Variants in SUV39H1 observed in about 807,000 individuals in gnomAD.
SUV39H1 encodes the protein histone-lysine N-methyltransferase SUV39H1.
For synonymous variants in SUV39H1, 141 were observed against 150.5 expected (o/e 0.94, Z 0.46); for missense variants, 180 against 386.3 (o/e 0.47, Z 4.48).
chrX:48,695,829 A>G, upstream of SUV39H1: 1 of 1,155,863 alleles, frequency 8.7e-7, no homozygotes, highest in Non-Finnish European at 1.1e-6. Context: ...AATGGTGGGG[A>G]TGAGTCGCCT....
rs1423309457 is a variant in SUV39H1 at position 48,700,154 on chromosome X, C to T, written c.229C>T (p.Arg77Trp). 2.5e-6 allele frequency: 3 copies of T among 1,198,180 alleles called. No individual in the cohort carries two copies. Among genetic ancestry groups the T allele is most frequent in the Non-Finnish European group, 3.4e-6 (3 of 889,306 alleles). Residue 77 changes from arginine to tryptophan, a missense_variant, in exon 3 of 6, where the codon CGG becomes TGG. Transcript: ENST00000376687. ...YPDSESTWEP[R>W]QNLKCVRILK... is the part of the protein sequence containing the mutation. ...AGACTCAGAGAGCACCTGGGAGCCACGGCAGAATCTCAAGTGTGTGCGTAT... is the reference window on the plus strand; with the variant it reads ...AGACTCAGAGAGCACCTGGGAGCCATGGCAGAATCTCAAGTGTGTGCGTAT...
rs908493710 is a variant in SUV39H1, at chrX:48,708,198, C to G, written c.*628C>G. 5.9e-5 allele frequency: 8 copies of G among 135,456 alleles called. No individual in the cohort carries two copies. The highest frequency in any genetic ancestry group is 2.6e-4 in the African/African-American group (8 of 31,323). 11.2% of individuals were successfully genotyped at this position (135,456 alleles called of 1,213,427 possible). On this transcript the variant is annotated 3_prime_UTR_variant, in exon 6 of 6. Transcript: ENST00000376687. ...GGGCTGCATATCTGAGAAGTGGATG[C>G]CCACATGCCACTGGAAGGGAAGTGG...
upstream of SUV39H1, chrX:48,695,977 GAA>G (rs2147270794): frequency 9.6e-7 from 1 of 1,036,533 alleles, no homozygotes; most frequent in Non-Finnish European, 1.3e-6. Context: ...TAATCTGAGG[GAA>G]AGACAGTGAC....
At chrX:48,696,147 G>A (rs189333931), upstream of SUV39H1, among the ~76,000 whole-genome samples, 1 of 112,869 alleles carries the variant, frequency 8.9e-6, no homozygotes, top group Non-Finnish European at 1.9e-5. Context: ...GGTGGGTGGA[G>A]AGGAGGACTG....
chrX:48,700,922 AGCTGGTACACACCAGCATGGCCAT>A, intron 3 of SUV39H1, 169 bp downstream of exon 3: 1 of 594,138 alleles, frequency 1.7e-6, no homozygotes, highest in Non-Finnish European at 2.8e-6. Context: ...TAGTATTCCA[AGCTGGTACACACCAGCATGGCCAT>A]GCTGGTGGTT....
Position 48,700,384 on chromosome X carries a change from G to A in SUV39H1, c.459G>A (p.Leu153=), listed in dbSNP as rs781981197. The A allele has an allele frequency of 1.6e-6, 2 of 1,212,268 alleles. No homozygotes were observed. The highest frequency in any genetic ancestry group is 4.3e-5 in the Admixed American group (2 of 46,142). Residue 153 remains leucine (L), a synonymous_variant, in exon 3 of 6, where the codon CTG becomes CTA. Transcript: ENST00000376687. ...GRITVENEVD[L]DGPPRAFVYI... ...TCACTGTAGAGAATGAGGTGGACCT[G>A]GACGGCCCTCCGCGGGCCTTCGTGT...
Position 48,700,537 on chromosome X carries a change from C to T in SUV39H1, c.612C>T (p.Ala204=). 1 of 1,212,345 alleles carries T rather than the reference C, an allele frequency of 8.2e-7. No individual in the cohort carries two copies. Among genetic ancestry groups the T allele is most frequent in the Non-Finnish European group, 1.1e-6 (1 of 895,602 alleles). ...CCPGASLHKF[A]YNDQGQVRLR... is the part of the protein sequence containing the mutation. ...CGGGGGCGTCACTGCACAAGTTTGC[C>T]TACAATGACCAGGGCCAGGTGCGGC... Residue 204 remains alanine, a synonymous_variant, in exon 3 of 6, where the codon GCC becomes GCT. Transcript: ENST00000376687.
rs2062465592 is a variant in SUV39H1 at position 48,699,048 on chromosome X, G to GT, written c.165+2dup. On this transcript the variant is annotated splice_donor_variant, in intron 2 of 5. Transcript: ENST00000376687. LOFTEE classifies it high-confidence loss of function. Reference sequence around the variant, plus strand: ...CCTGTGCGATTACAAGAAGATCCGCGTGAGTCTGGGGTGACCATGCTCTGG... The same window carrying GT: ...CCTGTGCGATTACAAGAAGATCCGCGTTGAGTCTGGGGTGACCATGCTCTGG... 1 of 1,205,216 alleles carries GT rather than the reference G, an allele frequency of 8.3e-7. No individual in the cohort carries two copies. Among genetic ancestry groups the GT allele is most frequent in the Non-Finnish European group, 1.1e-6 (1 of 892,614 alleles).
chrX:48,696,670 C>G, upstream of SUV39H1: 1 of 1,007,916 alleles, frequency 9.9e-7, no homozygotes, highest in Non-Finnish European at 1.3e-6. Context: ...TTGGTCCGCG[C>G]GGGTGCTGCG....
At chrX:48,702,292 G>A (rs2147274482) in intron 3 of SUV39H1, among the ~76,000 whole-genome samples, 1 of 112,236 alleles carries the variant, frequency 8.9e-6, no homozygotes, top group East Asian at 2.8e-4. Flanking sequence ...TGGAGGAAGA[G>A]CTTGTGCTCT....
chrX:48,696,742 C>G lies in SUV39H1; in HGVS notation c.-43C>G. On this transcript the variant is annotated 5_prime_UTR_variant, in exon 1 of 6. Transcript: ENST00000376687. The stretch of plus-strand genomic sequence containing the variant: ...GCCACGCCCGCGCGAGCGCTCTTCT[C>G]GCGAGGCCGGCTAGGCCCGAATGTC... The G allele has an allele frequency of 8.8e-7, 1 of 1,133,451 alleles. No homozygotes were observed. The highest frequency in any genetic ancestry group is 1.2e-6 in the Non-Finnish European group (1 of 856,898). 93.4% of individuals were successfully genotyped at this position (1,133,451 alleles called of 1,213,427 possible). A position where few individuals can be genotyped will look rare whatever the true frequency, so the allele number is the denominator to read the frequency against.
intron 1 of SUV39H1, among the ~76,000 whole-genome samples, chrX:48,698,605 C>T (rs1410425083): frequency 9.0e-6 from 1 of 111,400 alleles, no homozygotes; most frequent in Admixed American, 9.5e-5. Flanking sequence ...GGTTTGCAGG[C>T]AGTTTTAGGA....
chrX:48,697,021 G>T (rs1368428742), intron 1 of SUV39H1, among the ~76,000 whole-genome samples: 2 of 109,402 alleles, frequency 1.8e-5, no homozygotes, highest in Non-Finnish European at 1.9e-5. Context: ...CGGGCCTGGG[G>T]CTAAGTGGGG....
intron 3 of SUV39H1, among the ~76,000 whole-genome samples, chrX:48,703,094 A>G (rs976986590): frequency 5.3e-5 from 6 of 112,327 alleles, no homozygotes; most frequent in Admixed American, 2.8e-4. Context: ...GTTACTATGT[A>G]TCAAGCACTT....
intron 5 of SUV39H1, 70 bp from the exon 6 acceptor site, chrX:48,707,355 TTCCCTACCTTCC>T: frequency 9.7e-7 from 1 of 1,028,019 alleles, no homozygotes; most frequent in South Asian, 2.1e-5. Flanking sequence ...CCCTGCCTCC[TTCCCTACCTTCC>T]TCCCTCCCTC....
At chrX:48,696,629 G>A (rs2062456342), upstream of SUV39H1, 4 of 694,346 alleles carry the variant, frequency 5.8e-6, no homozygotes, top group South Asian at 1.3e-4. Context: ...CGAGCCGGGC[G>A]GCAGGGAGGG....
At chrX:48,700,070 C>CGG in intron 2 of SUV39H1, 21 bp from the exon 3 acceptor site, 13 of 911,326 alleles carry the variant, frequency 1.4e-5, no homozygotes, top group Non-Finnish European at 1.8e-5. Context: ...GTACCCCCGT[C>CGG]CCCCTACCCA....
intron 3 of SUV39H1, chrX:48,705,364 A>T (rs1248192077): frequency 8.9e-6 from 1 of 112,912 alleles, no homozygotes; most frequent in Non-Finnish European, 1.9e-5. Flanking sequence ...GTACAGTGGG[A>T]CCCCTACCCA....
chrX:48,706,839 T>A (rs1176170411), intron 5 of SUV39H1, among the ~76,000 whole-genome samples: 1 of 109,458 alleles, frequency 9.1e-6, no homozygotes, highest in Non-Finnish European at 1.9e-5. Context: ...ACCCTAACCC[T>A]GAGGCATTCA....
Sources: gnomAD v4.1 joint callset for allele counts (sites outside exome capture counted in the v4.1 genomes callset) on GRCh38, gnomAD v4.1.1 for gene constraint, MANE v1.5 for transcripts, NCBI Gene and HGNC (gene_info 2026-07-23, HGNC 2026-07-21) for gene names.